The following SSUH2 variants were observed in gnomAD, a reference collection of about 807,000 sequenced individuals.
SSUH2 encodes the protein ssu-2 homolog, also known as protein SSUH2 homolog.
A neutral mutation model predicts 55.3 loss-of-function variants in SSUH2; 47 were observed. The ratio of observed to expected loss-of-function variants is 0.85; its 90% CI spans 0.67 to 1.08. SSUH2 has a LOEUF of 1.08. Ranked by LOEUF, SSUH2 falls within the 50% of genes least tolerant of loss-of-function variation. SSUH2 has a pLI of 0.00. For synonymous variants in SSUH2, 212 were observed against 191.5 expected, an observed-to-expected ratio of 1.11 and a Z score of -0.89; for missense variants, 535 against 490.7, an observed-to-expected ratio of 1.09 and a Z score of -0.85.
chr3:8,670,943 T>C lies in SSUH2; in HGVS notation c.-455+55A>G, dbSNP rs112131447. 3.1e-3 allele frequency: 1,137 copies of C among 368,106 alleles called. 10 individuals carry two copies. The highest frequency in any genetic ancestry group is 0.02 in the African/African-American group (956 of 48,798). The allele number at this position is 368,106 out of a possible 1,614,324, so 22.8% of individuals were successfully genotyped here. A position where few individuals can be genotyped will look rare whatever the true frequency, so the allele number is the denominator to read the frequency against. On this transcript the variant is annotated intron_variant, in intron 5 of 18. Coordinates refer to the SSUH2 transcript ENST00000317371. ...TGTGTGACTCTGTGTACACCCCGTG[T>C]GACATTAGAAGTAACATCCCCCGAG...
chr3:8,679,741 G>C (rs1276818204), exon 2 of SSUH2: 1 of 170,780 alleles, frequency 5.9e-6, no homozygotes, highest in African/African-American at 2.4e-5. Flanking sequence ...TAAGAAGAAA[G>C]CTCAGATCTG....
intron 1 of SSUH2, 45 bp from the exon 2 acceptor site, chr3:8,635,902 G>A (rs761465116): frequency 3.4e-6 from 5 of 1,472,092 alleles, no homozygotes; most frequent in Non-Finnish European, 4.6e-6. Context: ...GGGAGGCGAG[G>A]GCTGATGAGG....
chr3:8,626,745 C>T (rs765646031), intron 8 of SSUH2, among the ~76,000 whole-genome samples: 5 of 152,150 alleles, frequency 3.3e-5, no homozygotes, highest in Non-Finnish European at 7.3e-5. Flanking sequence ...CTTGGAGCTA[C>T]TGGTGATCTC....
chr3:8,674,857 G>T (rs571757587), intron 3 of SSUH2, among the ~76,000 whole-genome samples: 6 of 143,142 alleles, frequency 4.2e-5, no homozygotes, highest in Non-Finnish European at 7.7e-5. Context: ...CTGGCCAAGC[G>T]GTGGCCAAGG....
chr3:8,654,272 C>A (rs1384943040), intron 7 of SSUH2, among the ~76,000 whole-genome samples: 3 of 152,204 alleles, frequency 2.0e-5, no homozygotes, highest in East Asian at 3.8e-4. Context: ...AACCTAATTA[C>A]GTCCTAAAGA....
rs527540909 is a variant in SSUH2 at position 8,635,377 on chromosome 3, T to A, written c.132A>T (p.Gly44=). 6.5e-7 allele frequency: 1 copy of A among 1,535,572 alleles called. No individual in the cohort carries two copies. Among genetic ancestry groups the A allele is most frequent in the South Asian group, 1.2e-5 (1 of 83,996 alleles). The part of the protein sequence containing the change: ...SYDWLLQGGR[G]QIFFPPLEAP... ...CCTCCAAAGGTGGGAAGAATATCTG[T>A]CCTCCTGGAGAAGGGAAGAGTCAGG... is the stretch of plus-strand genomic sequence containing the variant. The change falls in exon 3 of 12, where the codon GGA becomes GGT. Residue 44 remains glycine, a synonymous_variant. Transcript: ENST00000544814.
intron 2 of SSUH2, among the ~76,000 whole-genome samples, chr3:8,679,419 C>G (rs1243523450): frequency 4.3e-5 from 6 of 140,246 alleles, no homozygotes; most frequent in East Asian, 2.3e-4. Context: ...CTCTTCCCCC[C>G]CTGGCTCTTA....
At chr3:8,626,345 C>T (rs776853247) in intron 8 of SSUH2, 24 bp from the exon 9 acceptor site, 62 of 1,598,178 alleles carry the variant, frequency 3.9e-5, no homozygotes, top group Admixed American at 1.7e-4. Flanking sequence ...AGAGTCCGTA[C>T]CCCCAGATCA....
At chr3:8,650,107 C>A (rs1702224813) in intron 7 of SSUH2, among the ~76,000 whole-genome samples, 1 of 152,166 alleles carries the variant, frequency 6.6e-6, no homozygotes, top group Non-Finnish European at 1.5e-5. Flanking sequence ...ACTGTTCCCT[C>A]ACCACCTTCA....
chr3:8,659,736 T>A (rs763468615), intron 6 of SSUH2: 14 of 455,912 alleles, frequency 3.1e-5, no homozygotes, highest in Admixed American at 9.4e-5. Flanking sequence ...CATCCATATA[T>A]GTATTCATTC....
intron 4 of SSUH2, among the ~76,000 whole-genome samples, chr3:8,671,315 C>T (rs970997402): frequency 1.3e-5 from 2 of 152,074 alleles, no homozygotes; most frequent in African/African-American, 2.4e-5. Context: ...GGTGTACAAC[C>T]TCTGTGACAT....
chr3:8,626,699 C>G (rs763496594), intron 8 of SSUH2, among the ~76,000 whole-genome samples: 1 of 152,112 alleles, frequency 6.6e-6, no homozygotes, highest in Admixed American at 6.5e-5. Context: ...TCGGGACTAT[C>G]GGGAAAGGGA....
In SSUH2 at chr3:8,635,833, G is replaced by A. The variant is rs901393742; in HGVS notation, c.53C>T (p.Ala18Val). 3.9e-6 allele frequency: 6 copies of A among 1,536,028 alleles called. No homozygotes were observed. The Admixed American group carries it at 1.2e-4, about 30-fold the overall frequency. Residue 18 changes from alanine to valine, a missense_variant, in exon 2 of 12, where the codon GCC (alanine) becomes GTC (valine). Ala to Val is a moderately conservative substitution (Grantham distance 64). Coordinates refer to ENST00000544814, the MANE Select transcript of SSUH2 (RefSeq NM_001256748.3). Reference protein sequence around the residue: ...DDSVVDLSFEAESPLAPPTEL... With the variant: ...DDSVVDLSFEVESPLAPPTEL... Reference sequence around the variant, plus strand: ...TGTGGGGGGCGCCAGAGGACTCTCGGCCTCAAAACTGAGGTCCACCACACC... The same window carrying A: ...TGTGGGGGGCGCCAGAGGACTCTCGACCTCAAAACTGAGGTCCACCACACC...
At chr3:8,646,240 T>G (rs1404999411), upstream of SSUH2, among the ~76,000 whole-genome samples, 1 of 152,216 alleles carries the variant, frequency 6.6e-6, no homozygotes, top group Admixed American at 6.5e-5. Flanking sequence ...GTGTATATAT[T>G]TGAGCCAAAA....
At chr3:8,657,156 C>T (rs1377969420) in intron 7 of SSUH2, among the ~76,000 whole-genome samples, 1 of 152,198 alleles carries the variant, frequency 6.6e-6, no homozygotes, top group Non-Finnish European at 1.5e-5. Context: ...GCTGGGATTA[C>T]AGGCCTGGAC....
chr3:8,676,601 G>A lies in SSUH2; in HGVS notation c.-753+605C>T, dbSNP rs756445335. ...TGAATATTAGGAAGAATATCACAGC[G>A]TGGGTGTACACATCGTGCTCTATTA... On this transcript the variant is annotated intron_variant, in intron 3 of 18. Transcript: ENST00000317371. 6.6e-5 allele frequency among the ~76,000 whole-genome samples: 10 copies of A among 151,060 alleles called. 1 individual carries two copies. The highest frequency in any genetic ancestry group is 2.4e-4 in the African/African-American group (10 of 41,044).
In SSUH2 at chr3:8,657,515, A is replaced by G. The variant is rs529719069; in HGVS notation, c.-307+1410T>C. ...CATGAGGTGTTCCATGCTCATAGAC[A>G]GTGGGTACGACAGGAGGTCAGATGA... On this transcript the variant is annotated intron_variant, in intron 7 of 18. Coordinates refer to the SSUH2 transcript ENST00000317371. 1.2e-3 allele frequency among the ~76,000 whole-genome samples: 178 copies of G among 152,284 alleles called. 1 individual carries two copies. Among genetic ancestry groups the G allele is most frequent in the African/African-American group, 3.9e-3 (161 of 41,558 alleles).
At chr3:8,624,379 C>T (rs1284079258) in intron 10 of SSUH2, among the ~76,000 whole-genome samples, 5 of 152,208 alleles carry the variant, frequency 3.3e-5, no homozygotes, top group African/African-American at 9.7e-5. Context: ...GCCAGTGACG[C>T]CTAGGGATGG....
chr3:8,657,012 C>T (rs550163923), intron 7 of SSUH2, among the ~76,000 whole-genome samples: 58 of 152,302 alleles, frequency 3.8e-4, no homozygotes, highest in Admixed American at 2.5e-3. Flanking sequence ...TCCTGAGTAG[C>T]TGGGACTACA....
Sources: gnomAD v4.1 joint callset for allele counts (sites outside exome capture counted in the v4.1 genomes callset) on GRCh38, gnomAD v4.1.1 for gene constraint, MANE v1.5 for transcripts, NCBI Gene and HGNC (gene_info 2026-07-23, HGNC 2026-07-21) for gene names.